Variants in ABHD17C observed in about 807,000 individuals in gnomAD.
The protein encoded by ABHD17C is abhydrolase domain containing 17C, depalmitoylase.
ABHD17C carries 11 observed loss-of-function variants against 27.9 expected under a neutral mutation model. That is an observed-to-expected ratio of 0.39 (90% CI 0.25 to 0.65). The LOEUF is 0.65. ABHD17C is among the 30% of genes least tolerant of loss of function. ABHD17C has a pLI of 0.45. For missense variants in ABHD17C, 280 were observed against 470.2 expected (o/e 0.60, Z 3.74); for synonymous variants, 233 against 209.1 (o/e 1.11, Z -0.98).
chr15:80,723,800 C>T (rs575576446), intron 1 of ABHD17C, among the ~76,000 whole-genome samples: 5 of 151,616 alleles, frequency 3.3e-5, no homozygotes, highest in Admixed American at 2.0e-4. Context: ...CTTTCTAATC[C>T]GACCAACCGC....
At chr15:80,697,014 C>G (rs1171575492) in intron 1 of ABHD17C, among the ~76,000 whole-genome samples, 1 of 152,164 alleles carries the variant, frequency 6.6e-6, no homozygotes, top group East Asian at 1.9e-4. Flanking sequence ...AGGAAGTACA[C>G]CGGGCATTAT....
intron 1 of ABHD17C, among the ~76,000 whole-genome samples, chr15:80,717,774 T>C (rs1078107): frequency 0.018 from 2,814 of 152,272 alleles, 88 homozygotes; most frequent in Admixed American, 0.09. Context: ...AAAAGTTGAA[T>C]TAGGATTGAA....
intron 1 of ABHD17C, among the ~76,000 whole-genome samples, chr15:80,728,780 G>C (rs1895017490): frequency 6.6e-6 from 1 of 152,192 alleles, no homozygotes; most frequent in South Asian, 2.1e-4. Flanking sequence ...AGATTGGATT[G>C]ATTGATTGAT....
chr15:80,698,702 A>C (rs1894531986), intron 1 of ABHD17C, among the ~76,000 whole-genome samples: 1 of 152,204 alleles, frequency 6.6e-6, no homozygotes, highest in African/African-American at 2.4e-5. Context: ...GCCTGGAGCA[A>C]GTTCTTATGC....
chr15:80,753,657 C>T (rs145261622), intron 2 of ABHD17C, among the ~76,000 whole-genome samples: 102 of 152,290 alleles, frequency 6.7e-4, no homozygotes, highest in African/African-American at 2.3e-3. Context: ...TCTCCTGCCT[C>T]GGTCTTCCGA....
intron 1 of ABHD17C, among the ~76,000 whole-genome samples, chr15:80,724,073 G>T (rs1168181489): frequency 6.6e-6 from 1 of 151,958 alleles, no homozygotes; most frequent in Non-Finnish European, 1.5e-5. Flanking sequence ...TGTGGTGGTG[G>T]ACACCTGTAA....
intron 1 of ABHD17C, among the ~76,000 whole-genome samples, chr15:80,735,160 C>T (rs1480183433): frequency 6.6e-6 from 1 of 152,146 alleles, no homozygotes; most frequent in Non-Finnish European, 1.5e-5. Flanking sequence ...ACATAGATAT[C>T]CAGTTTCAGG....
chr15:80,734,103 A>AC (rs1228016549), intron 1 of ABHD17C, among the ~76,000 whole-genome samples: 1 of 151,396 alleles, frequency 6.6e-6, no homozygotes, highest in Non-Finnish European at 1.5e-5. Context: ...TCCTACCTCA[A>AC]CCTCCCGAGT....
chr15:80,736,804 G>T (rs1277921153), intron 1 of ABHD17C, among the ~76,000 whole-genome samples: 1 of 152,212 alleles, frequency 6.6e-6, no homozygotes, highest in Non-Finnish European at 1.5e-5. Context: ...ACAGGATGCA[G>T]TGTGTCTCAG....
intron 1 of ABHD17C, among the ~76,000 whole-genome samples, chr15:80,732,648 A>G (rs1895072766): frequency 6.6e-6 from 1 of 152,208 alleles, no homozygotes; most frequent in African/African-American, 2.4e-5. Flanking sequence ...TAAGACGGGC[A>G]CAAAGAGAGG....
intron 1 of ABHD17C, among the ~76,000 whole-genome samples, chr15:80,730,190 A>G (rs1895039505): frequency 6.6e-6 from 1 of 152,134 alleles, no homozygotes. Context: ...AAGCCTCACC[A>G]GAGAAATGGA....
chr15:80,696,066 C>A, intron 1 of ABHD17C, 47 bp downstream of exon 1: 1 of 1,447,532 alleles, frequency 6.9e-7, no homozygotes, highest in Non-Finnish European at 9.2e-7. Flanking sequence ...TGTGGGGAGG[C>A]GGGGTGGGGG....
At chr15:80,730,546 C>A (rs1764944054) in intron 1 of ABHD17C, among the ~76,000 whole-genome samples, 1 of 152,208 alleles carries the variant, frequency 6.6e-6, no homozygotes, top group Non-Finnish European at 1.5e-5. Context: ...TTGTATGAGG[C>A]CTCTCCATTT....
chr15:80,747,020 A>T (rs1398421390), intron 1 of ABHD17C, among the ~76,000 whole-genome samples: 1 of 152,176 alleles, frequency 6.6e-6, no homozygotes, highest in African/African-American at 2.4e-5. Flanking sequence ...GATATTCAGT[A>T]TTAATCATCT....
chr15:80,736,355 C>T lies in ABHD17C; in HGVS notation c.591-13158C>T, dbSNP rs143691847. On this transcript the variant is annotated intron_variant, in intron 1 of 2. Coordinates refer to ENST00000258884, the MANE Select transcript of ABHD17C (RefSeq NM_021214.2). ...TTAGGTGATTGATGCTTTTTTCCTC[C>T]TCTTCCTCATAATTAAAATATAAAG... Among the ~76,000 whole-genome samples the T allele has an allele frequency of 5.3e-3, 811 of 152,124 alleles. 5 individuals carry two copies. Among genetic ancestry groups the T allele is most frequent in the Middle Eastern group, 0.027 (8 of 294 alleles).
chr15:80,748,658 TC>T (rs1461572040), intron 1 of ABHD17C, among the ~76,000 whole-genome samples: 2 of 150,206 alleles, frequency 1.3e-5, no homozygotes, highest in Non-Finnish European at 3.0e-5. Flanking sequence ...GCATGTATTT[TC>T]CCGGGTTCCT....
chr15:80,748,465 G>T (rs1170735284), intron 1 of ABHD17C, among the ~76,000 whole-genome samples: 1 of 151,956 alleles, frequency 6.6e-6, no homozygotes, highest in African/African-American at 2.4e-5. Flanking sequence ...TTTGCCTATC[G>T]TTTGGGTATA....
chr15:80,742,787 G>T (rs1029019915), intron 1 of ABHD17C, among the ~76,000 whole-genome samples: 1 of 152,154 alleles, frequency 6.6e-6, no homozygotes, highest in African/African-American at 2.4e-5. Context: ...TTGTGGCAGG[G>T]GCAGGAGGAG....
At chr15:80,699,028 A>G (rs530491813) in intron 1 of ABHD17C, among the ~76,000 whole-genome samples, 1 of 152,272 alleles carries the variant, frequency 6.6e-6, no homozygotes, top group South Asian at 2.1e-4. Context: ...TTCTGCTCAC[A>G]TCGTCTTTTG....
Sources: allele counts gnomAD v4.1 joint callset (sites outside exome capture counted in the v4.1 genomes callset), GRCh38; gene constraint gnomAD v4.1.1; transcripts MANE v1.5; gene names NCBI Gene and HGNC (gene_info 2026-07-23, HGNC 2026-07-21).